The following INPP4B variants were observed in gnomAD, a reference collection of about 807,000 sequenced individuals.
The protein encoded by INPP4B is inositol polyphosphate 4-phosphatase type II.
A neutral mutation model predicts 122.5 loss-of-function variants in INPP4B; 55 were observed. That is an observed-to-expected ratio of 0.45 (90% CI 0.36 to 0.56). The LOEUF (loss-of-function observed/expected upper bound fraction) is 0.56. INPP4B is among the 20% of genes least tolerant of loss of function. The probability of loss-of-function intolerance (pLI) is 0.00; values close to 1 mark genes in which losing one functional copy is unlikely to be tolerated. For missense variants in INPP4B, 1,000 were observed against 1,097.7 expected (o/e 0.91, Z 1.26); for synonymous variants, 403 against 388.7 (o/e 1.04, Z -0.43).
intron 8 of INPP4B, among the ~76,000 whole-genome samples, chr4:142,306,100 AG>A (rs1204623275): frequency 6.6e-6 from 1 of 152,174 alleles, no homozygotes; most frequent in Non-Finnish European, 1.5e-5. Flanking sequence ...AATACACGAA[AG>A]AAAATGGCAC....
At chr4:142,837,619 G>A (rs1730215503) in intron 1 of INPP4B, among the ~76,000 whole-genome samples, 3 of 152,050 alleles carry the variant, frequency 2.0e-5, no homozygotes, top group Non-Finnish European at 2.9e-5. Context: ...TTTAGCTTTT[G>A]TTGTTGTTGT....
At chr4:142,457,124 C>T (rs1171069122) in intron 3 of INPP4B, among the ~76,000 whole-genome samples, 1 of 151,798 alleles carries the variant, frequency 6.6e-6, no homozygotes, top group Non-Finnish European at 1.5e-5. Flanking sequence ...CATTTCAGAC[C>T]TTATACAATC....
Position 142,023,582 on chromosome 4 carries a change from G to A in INPP4B, c.*5200C>T, listed in dbSNP as rs1197052731. The A allele has an allele frequency of 1.3e-5, 2 of 152,084 alleles. No individual in the cohort carries two copies. The highest frequency in any genetic ancestry group is 4.8e-5 in the African/African-American group (2 of 41,400). The allele number at this position is 152,084 out of a possible 1,614,324, so 9.4% of individuals were successfully genotyped here. A position where few individuals can be genotyped will look rare whatever the true frequency, so the allele number is the denominator to read the frequency against. On this transcript the variant is annotated 3_prime_UTR_variant, in exon 26 of 26. Coordinates refer to ENST00000262992, the MANE Select transcript of INPP4B (RefSeq NM_001101669.3). ...ATAAAAACATCACAAGAATTATCTA[G>A]ATAATATAGCAATATTGCCAAAATT...
At chr4:142,401,658 C>T (rs184555134) in intron 7 of INPP4B, among the ~76,000 whole-genome samples, 3 of 152,106 alleles carry the variant, frequency 2.0e-5, no homozygotes, top group Admixed American at 6.5e-5. Flanking sequence ...TAACACTTTA[C>T]GTATATTAAT....
intron 2 of INPP4B, among the ~76,000 whole-genome samples, chr4:142,623,715 C>G (rs1241363777): frequency 6.7e-6 from 1 of 149,478 alleles, no homozygotes; most frequent in South Asian, 2.1e-4. Flanking sequence ...CTATCCCTCC[C>G]CCCTCACCCC....
At chr4:142,081,977 A>G in intron 25 of INPP4B, 54 bp downstream of exon 25, 2 of 1,276,512 alleles carry the variant, frequency 1.6e-6, no homozygotes, top group Non-Finnish European at 2.1e-6. Context: ...AAAAAAAATA[A>G]AAACAACTCA....
chr4:142,832,162 T>C (rs1782225039), intron 1 of INPP4B, among the ~76,000 whole-genome samples: 1 of 152,078 alleles, frequency 6.6e-6, no homozygotes, highest in South Asian at 2.1e-4. Flanking sequence ...ATGTGCCGAG[T>C]AGATAATTCA....
chr4:142,673,107 C>T (rs1757233968), intron 2 of INPP4B, among the ~76,000 whole-genome samples: 1 of 152,076 alleles, frequency 6.6e-6, no homozygotes, highest in African/African-American at 2.4e-5. Flanking sequence ...TGTCCTTTAC[C>T]TAGACCACAC....
intron 2 of INPP4B, among the ~76,000 whole-genome samples, chr4:142,626,947 AT>A (rs1746567589): frequency 6.6e-6 from 1 of 152,046 alleles, no homozygotes. Flanking sequence ...TCTCATCCAA[AT>A]GAAAGCCTCA....
chr4:142,505,533 C>T (rs1012402348), intron 2 of INPP4B, among the ~76,000 whole-genome samples: 7 of 150,712 alleles, frequency 4.6e-5, no homozygotes, highest in Middle Eastern at 3.4e-3. Flanking sequence ...TCCTCATCCA[C>T]GAAGTAAGAT....
At chr4:142,656,349 C>A (rs1055718257) in intron 2 of INPP4B, among the ~76,000 whole-genome samples, 3 of 152,166 alleles carry the variant, frequency 2.0e-5, no homozygotes, top group African/African-American at 7.2e-5. Context: ...TCATTTTTGG[C>A]GCCCAACATG....
chr4:142,549,640 C>T (rs1446298892), intron 2 of INPP4B, among the ~76,000 whole-genome samples: 8 of 152,102 alleles, frequency 5.3e-5, no homozygotes, highest in Non-Finnish European at 1.0e-4. Flanking sequence ...AGACTGTGTG[C>T]CTTTTTTATG....
At chr4:142,584,534 A>G (rs557860646) in intron 2 of INPP4B, among the ~76,000 whole-genome samples, 2 of 152,220 alleles carry the variant, frequency 1.3e-5, no homozygotes, top group South Asian at 2.1e-4. Flanking sequence ...GTGTCTCTCA[A>G]TTGAGATTTG....
Position 142,720,789 on chromosome 4 carries a change from C to A in INPP4B, c.-191+5050G>T, listed in dbSNP as rs1253885467. Among the ~76,000 whole-genome samples, 29 of 22,276 alleles carry A rather than the reference C, an allele frequency of 1.3e-3. 5 individuals carry two copies. The highest frequency in any genetic ancestry group is 3.5e-3 in the African/African-American group (24 of 6,808). The allele number at this position is 22,276 out of a possible 152,430, so 14.6% of individuals were successfully genotyped here. On this transcript the variant is annotated intron_variant, in intron 2 of 25. Transcript: ENST00000262992. ...TCTCTCTCTCTCTCTCTCTCTCTCT[C>A]TCTCTCTCTCTCTCTCTCTCTATAT...
intron 15 of INPP4B, among the ~76,000 whole-genome samples, chr4:142,192,666 C>T (rs1836515947): frequency 6.6e-6 from 1 of 152,150 alleles, no homozygotes. Flanking sequence ...TCAAGTGGCA[C>T]AATTAAATGT....
At chr4:142,810,665 G>T (rs1779398491) in intron 1 of INPP4B, among the ~76,000 whole-genome samples, 1 of 152,150 alleles carries the variant, frequency 6.6e-6, no homozygotes, top group African/African-American at 2.4e-5. Context: ...TCTCCCAGTT[G>T]CTTTTACTGT....
chr4:142,309,248 T>A (rs1317234528), intron 8 of INPP4B, among the ~76,000 whole-genome samples: 2 of 152,112 alleles, frequency 1.3e-5, no homozygotes, highest in African/African-American at 4.8e-5. Flanking sequence ...AGGCAAAGTA[T>A]TTTTTAAAAA....
At chr4:142,056,034 C>T (rs534051091) in intron 25 of INPP4B, among the ~76,000 whole-genome samples, 10 of 151,762 alleles carry the variant, frequency 6.6e-5, no homozygotes, top group Non-Finnish European at 1.0e-4. Context: ...ATAAGGAGCA[C>T]GTAGCCTAGA....
chr4:142,081,947 A>G, intron 25 of INPP4B, 84 bp downstream of exon 25: 1 of 963,156 alleles, frequency 1.0e-6, no homozygotes. Flanking sequence ...TTAGTCCTCC[A>G]ATAAAATATG....
Sources: allele counts gnomAD v4.1 joint callset (sites outside exome capture counted in the v4.1 genomes callset), GRCh38; gene constraint gnomAD v4.1.1; transcripts MANE v1.5; gene names NCBI Gene and HGNC (gene_info 2026-07-23, HGNC 2026-07-21).